FAM227B: variants seen among roughly 807,000 people sequenced by gnomAD.
The protein encoded by FAM227B is family with sequence similarity 227 member B, also known as protein FAM227B.
A neutral mutation model predicts 73.8 loss-of-function variants in FAM227B; 88 were observed. The ratio of observed to expected loss-of-function variants is 1.19; its 90% confidence interval spans 1.00 to 1.42. FAM227B has a LOEUF of 1.42. FAM227B is among the 40% of genes most tolerant of loss of function. FAM227B has a pLI of 0.00. For synonymous variants in FAM227B, 210 were observed against 190.5 expected (o/e 1.10, Z -0.84); for missense variants, 632 against 590.9 (o/e 1.07, Z -0.72).
chr15:49,500,295 C>G (rs1164001222), intron 11 of FAM227B, among the ~76,000 whole-genome samples: 1 of 152,122 alleles, frequency 6.6e-6, no homozygotes, highest in Non-Finnish European at 1.5e-5. Context: ...TAAAAATGGC[C>G]AAGATATTTG....
intron 15 of FAM227B, chr15:49,329,742 C>T (rs1015726469): frequency 5.4e-5 from 52 of 971,292 alleles, no homozygotes; most frequent in East Asian, 4.6e-4. Flanking sequence ...TTTTTAATAC[C>T]GTGCCATTTT....
In FAM227B at chr15:49,508,268, CT is replaced by C; in HGVS notation, c.954del (p.Ala319HisfsTer6). On this transcript the variant is annotated frameshift_variant, in exon 11 of 16. Coordinates refer to ENST00000299338, the MANE Select transcript of FAM227B (RefSeq NM_152647.3). LOFTEE classifies it high-confidence loss of function. ...CTTTCCTTTACTGATTTTGCAGGTG[CT>C]TTTTTGCTACCATGAATGGTGGTTG... Reference protein sequence around the residue: ...LSTTTIHGSKKAPAKSVKERI... With the variant: ...LSTTTIHGSKXAPAKSVKERI... The C allele has an allele frequency of 6.2e-7, 1 of 1,610,630 alleles. No individual in the cohort carries two copies. Among genetic ancestry groups the C allele is most frequent in the Non-Finnish European group, 8.5e-7 (1 of 1,178,490 alleles).
chr15:49,377,557 G>C (rs748573982), intron 11 of FAM227B, among the ~76,000 whole-genome samples: 4 of 151,946 alleles, frequency 2.6e-5, no homozygotes, highest in Non-Finnish European at 5.9e-5. Flanking sequence ...ACCATTTCAA[G>C]TGGGGTGAGA....
At chr15:49,419,148 T>C (rs1238127046) in intron 11 of FAM227B, among the ~76,000 whole-genome samples, 1 of 152,210 alleles carries the variant, frequency 6.6e-6, no homozygotes, top group Non-Finnish European at 1.5e-5. Context: ...GGGGTCCTTA[T>C]GGACCTATTT....
intron 11 of FAM227B, among the ~76,000 whole-genome samples, chr15:49,504,169 C>G (rs996961113): frequency 6.6e-6 from 1 of 151,406 alleles, no homozygotes; most frequent in South Asian, 2.1e-4. Context: ...AGCAAACTAT[C>G]GCAAGGACAA....
At chr15:49,382,187 A>T (rs1596729051) in intron 11 of FAM227B, among the ~76,000 whole-genome samples, 1 of 152,114 alleles carries the variant, frequency 6.6e-6, no homozygotes, top group Non-Finnish European at 1.5e-5. Flanking sequence ...ATATGCAGGA[A>T]GTAGTGAAAA....
chr15:49,537,248 T>A (rs2152254796), intron 10 of FAM227B, among the ~76,000 whole-genome samples: 1 of 152,140 alleles, frequency 6.6e-6, no homozygotes, highest in Middle Eastern at 3.4e-3. Context: ...AATTAATAAA[T>A]AAGCCAATGA....
At chr15:49,568,022 C>T (rs1218268172) in intron 9 of FAM227B, among the ~76,000 whole-genome samples, 1 of 151,790 alleles carries the variant, frequency 6.6e-6, no homozygotes, top group African/African-American at 2.4e-5. Flanking sequence ...AAACAAAGTT[C>T]CTGTAGTCAC....
At position 49,327,133 on chromosome 15, in the gene FAM227B, G is replaced by A. The variant is rs79321072; in HGVS notation, c.*1435C>T. ...GCCTTTCACTTTGGTTGAAATCTTA[G>A]GTTTGAAACTGTGCCTGGTTTACAG... On this transcript the variant is annotated 3_prime_UTR_variant, in exon 16 of 16. Transcript: ENST00000299338. 1 of 152,234 alleles carries A rather than the reference G, an allele frequency of 6.6e-6. No individual in the cohort carries two copies. The highest frequency in any genetic ancestry group is 1.9e-4 in the East Asian group (1 of 5,180). The allele number at this position is 152,234 out of a possible 1,614,324, so 9.4% of individuals were successfully genotyped here.
intron 13 of FAM227B, among the ~76,000 whole-genome samples, chr15:49,353,080 G>A (rs2042490376): frequency 6.6e-6 from 1 of 152,192 alleles, no homozygotes. Flanking sequence ...GTGAGTTGAT[G>A]AAATGAGAAC....
chr15:49,494,803 T>C (rs954670145), intron 11 of FAM227B, among the ~76,000 whole-genome samples: 9 of 152,156 alleles, frequency 5.9e-5, no homozygotes, highest in Non-Finnish European at 1.2e-4. Flanking sequence ...AGTAAATATA[T>C]TTAATACTCA....
intron 10 of FAM227B, among the ~76,000 whole-genome samples, chr15:49,515,478 C>T (rs1430795100): frequency 2.0e-5 from 3 of 152,088 alleles, no homozygotes; most frequent in East Asian, 1.9e-4. Flanking sequence ...ATTGCTTTTT[C>T]GCTTGACAGT....
Position 49,327,941 on chromosome 15 carries a change from C to T in FAM227B, c.*627G>A, listed in dbSNP as rs1363692512. 9 of 1,591,758 alleles carry T rather than the reference C, an allele frequency of 5.7e-6. No individual in the cohort carries two copies. Among genetic ancestry groups the T allele is most frequent in the Admixed American group, 3.5e-5 (2 of 56,628 alleles). ...TTATAGGTTCTAATATTTTTTTCCT[C>T]ACTGTTTTAGGAAGTTTGGGGCTCA... On this transcript the variant is annotated 3_prime_UTR_variant, in exon 16 of 16. Transcript: ENST00000299338.
At chr15:49,610,772 C>T (rs2077855684) in intron 3 of FAM227B, among the ~76,000 whole-genome samples, 1 of 152,106 alleles carries the variant, frequency 6.6e-6, no homozygotes, top group African/African-American at 2.4e-5. Context: ...TTTTGCATAA[C>T]AATGGAAACT....
intron 1 of FAM227B, among the ~76,000 whole-genome samples, chr15:49,619,166 G>A (rs572363583): frequency 5.3e-5 from 8 of 151,336 alleles, no homozygotes; most frequent in African/African-American, 1.5e-4. Flanking sequence ...TCTTTTGTGA[G>A]GAAAAAAAAA....
At chr15:49,446,184 A>G (rs2052191707) in intron 11 of FAM227B, among the ~76,000 whole-genome samples, 2 of 151,734 alleles carry the variant, frequency 1.3e-5, no homozygotes, top group South Asian at 4.1e-4. Flanking sequence ...TCACTGATAA[A>G]TATGGGAACA....
chr15:49,486,499 T>G (rs1233618193), intron 11 of FAM227B: 1 of 152,010 alleles, frequency 6.6e-6, no homozygotes, highest in African/African-American at 2.4e-5. Context: ...ATAATCAGTT[T>G]TCAGTGTGAA....
At chr15:49,465,443 T>TA (rs771730946) in intron 11 of FAM227B, among the ~76,000 whole-genome samples, 7 of 152,010 alleles carry the variant, frequency 4.6e-5, no homozygotes, top group Non-Finnish European at 1.0e-4. Context: ...GCCTACTTCT[T>TA]AAAGTGTTAA....
At chr15:49,343,158 C>T (rs1468904209) in intron 13 of FAM227B, among the ~76,000 whole-genome samples, 1 of 152,048 alleles carries the variant, frequency 6.6e-6, no homozygotes, top group Non-Finnish European at 1.5e-5. Flanking sequence ...TCAGGAATGC[C>T]AATAATTTAT....
Sources: gnomAD v4.1 joint callset for allele counts (sites outside exome capture counted in the v4.1 genomes callset) on GRCh38, gnomAD v4.1.1 for gene constraint, MANE v1.5 for transcripts, NCBI Gene and HGNC (gene_info 2026-07-23, HGNC 2026-07-21) for gene names.